The following PPFIA3 variants were observed in gnomAD, a reference collection of about 807,000 sequenced individuals.
The protein encoded by PPFIA3 is PPFI scaffold protein A3.
PPFIA3 carries 26 observed loss-of-function variants against 145.8 expected under a neutral mutation model. The observed-to-expected ratio is 0.18, with a 90% CI of 0.13 to 0.25. The LOEUF is 0.25. PPFIA3 is among the 10% of genes least tolerant of loss of function. PPFIA3 has a pLI of 1.00. For synonymous variants in PPFIA3, 645 were observed against 661.4 expected (o/e 0.98, Z 0.38); for missense variants, 1,008 against 1,587.8 (o/e 0.63, Z 6.21).
At chr19:49,135,155 C>T (rs925714733) in intron 13 of PPFIA3, among the ~76,000 whole-genome samples, 5 of 152,136 alleles carry the variant, frequency 3.3e-5, no homozygotes, top group African/African-American at 1.2e-4. Flanking sequence ...GATTCTCGTG[C>T]CTCAGCCTCC....
At chr19:49,143,112 T>A in intron 21 of PPFIA3, 108 bp downstream of exon 21, 2 of 1,280,724 alleles carry the variant, frequency 1.6e-6, no homozygotes, top group Non-Finnish European at 2.2e-6. Context: ...ACGACCCTGC[T>A]TCTCATTGGC....
Position 49,131,335 on chromosome 19 carries a change from ATTTTTTTT to A in PPFIA3, c.879+750_879+757del, listed in dbSNP as rs10553520. Among the ~76,000 whole-genome samples the A allele has an allele frequency of 1.7e-4, 18 of 108,446 alleles. 1 individual carries two copies. Among genetic ancestry groups the A allele is most frequent in the East Asian group, 1.0e-3 (4 of 3,916 alleles). The allele number at this position is 108,446 out of a possible 152,430, so 71.1% of individuals were successfully genotyped here. A position where few individuals can be genotyped will look rare whatever the true frequency, so the allele number is the denominator to read the frequency against. On this transcript the variant is annotated intron_variant, in intron 7 of 29. Coordinates refer to ENST00000334186, the MANE Select transcript of PPFIA3 (RefSeq NM_003660.4). ...AGGTGTGCACCACCACACCTGGCTAATTTTTTTTTTTTTTTTTTTTTGTATCTTCAGTA... is the reference window on the plus strand; with the variant it reads ...AGGTGTGCACCACCACACCTGGCTAATTTTTTTTTTTTTGTATCTTCAGTA...
chr19:49,125,932 T>TG (rs959200168), intron 1 of PPFIA3, among the ~76,000 whole-genome samples: 5 of 100,402 alleles, frequency 5.0e-5, no homozygotes, highest in African/African-American at 1.2e-4. Context: ...GTATTTTTTT[T>TG]GTTTTTTTTT....
At chr19:49,144,636 C>T (rs1045732247) in intron 21 of PPFIA3, among the ~76,000 whole-genome samples, 2 of 151,972 alleles carry the variant, frequency 1.3e-5, no homozygotes, top group East Asian at 3.9e-4. Context: ...ATCCTTTGAG[C>T]CCAGGAGGTC....
chr19:49,141,028 G>A (rs1033973940), intron 18 of PPFIA3, among the ~76,000 whole-genome samples: 16 of 152,134 alleles, frequency 1.1e-4, no homozygotes, highest in East Asian at 5.8e-4. Flanking sequence ...GCTGGAGCCC[G>A]CTGGCACTGG....
At position 49,130,671 on chromosome 19, in the gene PPFIA3, C is replaced by A; in HGVS notation, c.879+72C>A. 1 of 1,325,772 alleles carries A rather than the reference C, an allele frequency of 7.5e-7. No individual in the cohort carries two copies. The highest frequency in any genetic ancestry group is 1.0e-6 in the Non-Finnish European group (1 of 971,430). The allele number at this position is 1,325,772 out of a possible 1,614,324, so 82.1% of individuals were successfully genotyped here. A position where few individuals can be genotyped will look rare whatever the true frequency, so the allele number is the denominator to read the frequency against. The stretch of plus-strand genomic sequence containing the variant: ...GTAGAGCTCTCCCTCGCGCATTGCT[C>A]ATGAATGGCGGAACCTCGATTCAGT... On this transcript the variant is annotated intron_variant, in intron 7 of 29. Coordinates refer to ENST00000334186, the MANE Select transcript of PPFIA3 (RefSeq NM_003660.4). This position sits in a 1 kb window ranked among gnomAD's most constrained non-coding sequence, Gnocchi z 4.5.
chr19:49,131,025 C>G (rs2041063199), intron 7 of PPFIA3, among the ~76,000 whole-genome samples: 1 of 84,294 alleles, frequency 1.2e-5, no homozygotes, highest in African/African-American at 5.4e-5. Context: ...CCATGCACCG[C>G]TAATTTTTTT....
Position 49,149,993 on chromosome 19 carries a change from C to T in PPFIA3, c.3527-87C>T. On this transcript the variant is annotated intron_variant, in intron 28 of 29. Coordinates refer to ENST00000334186, the MANE Select transcript of PPFIA3 (RefSeq NM_003660.4). This position sits in a 1 kb window ranked among gnomAD's most constrained non-coding sequence, Gnocchi z 5.7. Reference sequence around the variant, plus strand: ...TGGAGCCCGGCGATCGTTGTGACATCGGGAAGGGAAGTCCAAAGGGAGGAA... The same window carrying T: ...TGGAGCCCGGCGATCGTTGTGACATTGGGAAGGGAAGTCCAAAGGGAGGAA... The T allele has an allele frequency of 6.9e-7, 1 of 1,444,328 alleles. No individual in the cohort carries two copies. Among genetic ancestry groups the T allele is most frequent in the Non-Finnish European group, 9.5e-7 (1 of 1,056,816 alleles). 89.5% of individuals were successfully genotyped at this position (1,444,328 alleles called of 1,614,324 possible). A position where few individuals can be genotyped will look rare whatever the true frequency, so the allele number is the denominator to read the frequency against.
intron 25 of PPFIA3, 70 bp downstream of exon 25, chr19:49,148,833 G>A (rs2041308772): frequency 1.3e-6 from 2 of 1,541,732 alleles, no homozygotes; most frequent in East Asian, 2.3e-5. Context: ...AGGAGAGGGG[G>A]TAGGGGGAGA....
In PPFIA3 at chr19:49,150,267, A is replaced by T; in HGVS notation, c.*45A>T. On this transcript the variant is annotated 3_prime_UTR_variant, in exon 30 of 30. Transcript: ENST00000334186. ...TCACTCGGACGGAAGAATCTTCCCG[A>T]GGCTGGGCTGTTCCCTCTCCTGCCC... is the stretch of plus-strand genomic sequence containing the variant. The T allele has an allele frequency of 9.8e-7, 1 of 1,017,590 alleles. No homozygotes were observed. 63.0% of individuals were successfully genotyped at this position (1,017,590 alleles called of 1,614,324 possible).
Position 49,133,374 on chromosome 19 carries a change from G to A in PPFIA3, c.1161+3G>A. 1 of 1,599,994 alleles carries A rather than the reference G, an allele frequency of 6.3e-7. No homozygotes were observed. The highest frequency in any genetic ancestry group is 1.3e-5 in the African/African-American group (1 of 74,438). Reference sequence around the variant, plus strand: ...AGCGCGTGGCGGCGCTCAACAAGGTGCGGGGAGGACTCGGGTCGGGGCCTT... The same window carrying A: ...AGCGCGTGGCGGCGCTCAACAAGGTACGGGGAGGACTCGGGTCGGGGCCTT... On this transcript the variant is annotated splice_donor_region_variant and intron_variant, in intron 9 of 29. Transcript: ENST00000334186. This position sits in a 1 kb window ranked among gnomAD's most constrained non-coding sequence, Gnocchi z 7.2.
rs2122594923 is a variant in PPFIA3 at position 49,137,123 on chromosome 19, G to A, written c.1853+212G>A. 3 of 429,150 alleles carry A rather than the reference G, an allele frequency of 7.0e-6. No individual in the cohort carries two copies. In the South Asian group the frequency reaches 2.2e-4, roughly 31 times the overall value. The allele number at this position is 429,150 out of a possible 1,614,324, so 26.6% of individuals were successfully genotyped here. ...TACCTACACATATACCCCCCAGCCAGTACTCACCATTCCCCAACACACCAA... is the reference window on the plus strand; with the variant it reads ...TACCTACACATATACCCCCCAGCCAATACTCACCATTCCCCAACACACCAA... On this transcript the variant is annotated intron_variant, in intron 15 of 29. Transcript: ENST00000334186.
intron 23 of PPFIA3, 128 bp downstream of exon 23, chr19:49,146,320 A>C (rs2041280204): frequency 8.1e-7 from 1 of 1,238,216 alleles, no homozygotes; most frequent in South Asian, 1.4e-5. Flanking sequence ...GCGCTGCGCC[A>C]AGCTTGGCTC....
At chr19:49,148,887 C>T in intron 25 of PPFIA3, 106 bp from the exon 26 acceptor site, 1 of 1,555,932 alleles carries the variant, frequency 6.4e-7, no homozygotes. Context: ...GTGGAGCCAG[C>T]GTGGGGGGCG....
At chr19:49,135,045 T>TTGTC (rs1203000492) in intron 13 of PPFIA3, 130 bp downstream of exon 13, 16 of 765,706 alleles carry the variant, frequency 2.1e-5, no homozygotes, top group South Asian at 4.3e-5. Flanking sequence ...TTTTGTTTGT[T>TTGTC]TGTTTGTTTG....
At chr19:49,135,625 C>T (rs2041128586) in intron 13 of PPFIA3, among the ~76,000 whole-genome samples, 154 bp from the exon 14 acceptor site, 1 of 152,214 alleles carries the variant, frequency 6.6e-6, no homozygotes, top group African/African-American at 2.4e-5. Context: ...CCACCTCAGC[C>T]TCCCAAAGTG....
chr19:49,137,190 A>G (rs780607366), intron 15 of PPFIA3: 1 of 343,040 alleles, frequency 2.9e-6, no homozygotes, highest in Non-Finnish European at 5.3e-6. Context: ...TGATGCATCA[A>G]GAATCTTCCA....
At chr19:49,131,792 C>T (rs1284681906) in intron 7 of PPFIA3, among the ~76,000 whole-genome samples, 1 of 150,932 alleles carries the variant, frequency 6.6e-6, no homozygotes, top group Non-Finnish European at 1.5e-5. Context: ...GGGCGGATCA[C>T]GAGGTCAGGA....
At chr19:49,146,687 T>C (rs1359289475) in intron 23 of PPFIA3, among the ~76,000 whole-genome samples, 3 of 152,096 alleles carry the variant, frequency 2.0e-5, no homozygotes, top group African/African-American at 7.2e-5. Context: ...TCCAGCACTT[T>C]AGGAGGCTGA....
Sources: gnomAD v4.1 joint callset for allele counts (sites outside exome capture counted in the v4.1 genomes callset) on GRCh38, gnomAD v4.1.1 for gene constraint, Gnocchi (gnomAD v3.1) non-coding constraint, MANE v1.5 for transcripts, NCBI Gene and HGNC (gene_info 2026-07-23, HGNC 2026-07-21) for gene names.